Variants in PALM2AKAP2 observed in about 807,000 individuals in gnomAD.
The protein encoded by PALM2AKAP2 is PALM2-AKAP2 fusion protein.
PALM2AKAP2 carries 37 observed loss-of-function variants against 71.5 expected under a neutral mutation model. The ratio of observed to expected loss-of-function variants is 0.52; its 90% CI spans 0.40 to 0.68. The LOEUF (loss-of-function observed/expected upper bound fraction) is 0.68, where lower values mean the gene tolerates loss of function less well. Among genes scored for constraint, PALM2AKAP2 ranks in the 30% least tolerant of loss-of-function variants. PALM2AKAP2 has a pLI of 0.00. For synonymous variants in PALM2AKAP2, 468 were observed against 478.8 expected, an observed-to-expected ratio of 0.98 and a Z score of 0.29; for missense variants, 1,224 against 1,191.8, an observed-to-expected ratio of 1.03 and a Z score of -0.40.
intron 1 of PALM2AKAP2, among the ~76,000 whole-genome samples, chr9:109,676,848 G>A (rs564582834): frequency 3.3e-5 from 5 of 152,342 alleles, no homozygotes; most frequent in Admixed American, 3.3e-4. Context: ...AGGTATGTAA[G>A]TTGTGTGTAT....
chr9:110,024,825 G>GT (rs879042144), intron 7 of PALM2AKAP2: 40,994 of 438,366 alleles, frequency 0.094, 1 homozygote, highest in South Asian at 0.12. Context: ...TGGGTTTTTT[G>GT]TTTTTTTTTT....
In PALM2AKAP2 at chr9:109,717,178, G is replaced by C. The variant is rs542856110; in HGVS notation, c.6-63310G>C. On this transcript the variant is annotated intron_variant, in intron 1 of 6. Transcript: ENST00000374531. The stretch of plus-strand genomic sequence containing the variant: ...AAGGTCATGATGAAAGAAGATGAAG[G>C]CTGGAGAAGGGAGTTAATGAGGACA... Among the ~76,000 whole-genome samples the C allele has an allele frequency of 2.7e-4, 41 of 152,104 alleles. No individual in the cohort carries two copies. The East Asian group carries it at 2.7e-3, about 10-fold the overall frequency.
At chr9:109,995,839 A>G (rs1235548687) in intron 6 of PALM2AKAP2, among the ~76,000 whole-genome samples, 2 of 152,196 alleles carry the variant, frequency 1.3e-5, no homozygotes, top group Admixed American at 6.5e-5. Context: ...ATGGTCATGG[A>G]ATGGAAGACA....
chr9:109,745,578 C>T (rs912627201), intron 1 of PALM2AKAP2, among the ~76,000 whole-genome samples: 5 of 151,840 alleles, frequency 3.3e-5, no homozygotes, highest in Non-Finnish European at 7.4e-5. Context: ...CTTGTCGTGT[C>T]CTGTTTTAGG....
At chr9:109,765,286 G>A (rs1424544114) in intron 1 of PALM2AKAP2, 1 of 152,236 alleles carries the variant, frequency 6.6e-6, no homozygotes, top group African/African-American at 2.4e-5. Flanking sequence ...TGTGCTATAT[G>A]ACCTTAGGCA....
intron 1 of PALM2AKAP2, among the ~76,000 whole-genome samples, chr9:110,077,832 G>A (rs1834353612): frequency 1.3e-5 from 2 of 152,102 alleles, no homozygotes; most frequent in African/African-American, 4.8e-5. Context: ...TGACCAACAT[G>A]GTGAAACGCT....
intron 1 of PALM2AKAP2, among the ~76,000 whole-genome samples, chr9:110,049,870 C>CG (rs1347794961): frequency 1.3e-5 from 2 of 152,244 alleles, no homozygotes; most frequent in African/African-American, 4.8e-5. Flanking sequence ...TGCAGCCGGG[C>CG]TGCCGAGCTC....
intron 1 of PALM2AKAP2, among the ~76,000 whole-genome samples, chr9:110,110,918 T>A (rs931693215): frequency 4.6e-5 from 7 of 152,100 alleles, no homozygotes; most frequent in African/African-American, 1.4e-4. Context: ...GAGTTAGATC[T>A]ATGAATCTAA....
intron 1 of PALM2AKAP2, among the ~76,000 whole-genome samples, chr9:109,809,930 G>C (rs1827683713): frequency 6.6e-6 from 1 of 152,178 alleles, no homozygotes; most frequent in Non-Finnish European, 1.5e-5. Context: ...TTCCCCTTCT[G>C]CCAGGATTGT....
chr9:109,861,821 A>G (rs1829318639), intron 1 of PALM2AKAP2, among the ~76,000 whole-genome samples: 1 of 152,208 alleles, frequency 6.6e-6, no homozygotes, highest in South Asian at 2.1e-4. Flanking sequence ...GGTTTTATGG[A>G]CTGATGGCCA....
In PALM2AKAP2 at chr9:110,118,863, A is replaced by G. The variant is rs533190896; in HGVS notation, c.157-17264A>G. On this transcript the variant is annotated intron_variant, in intron 1 of 3. Transcript: ENST00000374525. ...TGCAAATATAGATACACACATACCT[A>G]CATATATACAAATAAAAATATGTAC... Among the ~76,000 whole-genome samples, 7 of 152,360 alleles carry G rather than the reference A, an allele frequency of 4.6e-5. No homozygotes were observed. In the East Asian group the frequency reaches 1.3e-3, roughly 29 times the overall value.
At chr9:110,150,104 G>A (rs1160811944) in intron 2 of PALM2AKAP2, among the ~76,000 whole-genome samples, 2 of 152,206 alleles carry the variant, frequency 1.3e-5, no homozygotes, top group African/African-American at 4.8e-5. Flanking sequence ...CAGGATCAAT[G>A]CCCTTGTAAG....
chr9:109,837,798 G>C (rs1010798243), intron 1 of PALM2AKAP2, among the ~76,000 whole-genome samples: 1 of 152,170 alleles, frequency 6.6e-6, no homozygotes, highest in African/African-American at 2.4e-5. Flanking sequence ...TTACATAATG[G>C]TAAAGGGATC....
chr9:109,920,457 G>A (rs1050967809), intron 3 of PALM2AKAP2, among the ~76,000 whole-genome samples: 3 of 149,852 alleles, frequency 2.0e-5, no homozygotes, highest in African/African-American at 7.4e-5. Flanking sequence ...CTGCAGCCTT[G>A]CAGCCTCTGT....
rs183276744 is a variant in PALM2AKAP2, at chr9:110,105,745, G to A, written c.157-30382G>A. Among the ~76,000 whole-genome samples, 566 of 152,156 alleles carry A rather than the reference G, an allele frequency of 3.7e-3. 15 individuals are homozygous for A. Among genetic ancestry groups the A allele is most frequent in the Admixed American group, 0.033 (497 of 15,268 alleles). ...CTCTCTTTTTCTTTTTAATGTGAGT[G>A]GACATAAAATTTATCAGCAGGCATA... On this transcript the variant is annotated intron_variant, in intron 1 of 3. Transcript: ENST00000374525.
At chr9:110,095,104 G>A (rs1344383022) in intron 1 of PALM2AKAP2, among the ~76,000 whole-genome samples, 1 of 152,216 alleles carries the variant, frequency 6.6e-6, no homozygotes, top group African/African-American at 2.4e-5. Context: ...ACGATTCTGA[G>A]AGCAGGAATA....
chr9:109,673,136 T>C (rs899913075), intron 1 of PALM2AKAP2, among the ~76,000 whole-genome samples: 1 of 152,154 alleles, frequency 6.6e-6, no homozygotes, highest in Admixed American at 6.5e-5. Context: ...TGTTATTTCT[T>C]GTCTTCTGCT....
chr9:109,865,144 G>A (rs1829417868), intron 1 of PALM2AKAP2, among the ~76,000 whole-genome samples: 1 of 119,280 alleles, frequency 8.4e-6, no homozygotes, highest in African/African-American at 3.2e-5. Flanking sequence ...TGTCGCCCAG[G>A]CTGGAGTGCA....
intron 3 of PALM2AKAP2, among the ~76,000 whole-genome samples, chr9:109,893,037 G>A (rs1830120416): frequency 1.3e-5 from 2 of 152,246 alleles, no homozygotes; most frequent in African/African-American, 4.8e-5. Context: ...TGGCATTCCA[G>A]AACTCGGGCC....
Sources: allele counts gnomAD v4.1 joint callset (sites outside exome capture counted in the v4.1 genomes callset), GRCh38; gene constraint gnomAD v4.1.1; transcripts MANE v1.5; gene names NCBI Gene and HGNC (gene_info 2026-07-23, HGNC 2026-07-21).